The following STPG2 variants were observed in gnomAD, a reference collection of about 807,000 sequenced individuals.
STPG2 encodes sperm-tail PG-rich repeat-containing protein 2.
In STPG2, 56 loss-of-function variants were observed where a neutral mutation model predicts 54.2. The observed-to-expected ratio is 1.03, with a 90% CI of 0.83 to 1.29. STPG2 has a LOEUF of 1.29. STPG2 is among the 50% of genes most tolerant of loss of function. The pLI, the probability that STPG2 is intolerant of heterozygous loss-of-function variation, is 0.00. For missense variants in STPG2, 596 were observed against 544.9 expected, an observed-to-expected ratio of 1.09 and a Z score of -0.93; for synonymous variants, 200 against 181.8, an observed-to-expected ratio of 1.10 and a Z score of -0.81.
At chr4:98,106,316 A>T (rs946930463) in intron 4 of STPG2, among the ~76,000 whole-genome samples, 4 of 152,124 alleles carry the variant, frequency 2.6e-5, no homozygotes, top group Non-Finnish European at 5.9e-5. Flanking sequence ...AAAGAAAATA[A>T]GATCTGGTAT....
chr4:97,639,905 A>T (rs931966951), intron 10 of STPG2, among the ~76,000 whole-genome samples: 1 of 152,120 alleles, frequency 6.6e-6, no homozygotes, highest in African/African-American at 2.4e-5. Context: ...ATAACTATTT[A>T]GCCTTTATTC....
At chr4:97,540,733 A>G (rs574818773) in intron 4 of STPG2, among the ~76,000 whole-genome samples, 2 of 152,292 alleles carry the variant, frequency 1.3e-5, no homozygotes, top group East Asian at 1.9e-4. Flanking sequence ...AAATTCTGGC[A>G]AACTGAATCC....
At chr4:97,917,061 T>C (rs1731907030) in intron 8 of STPG2, 1 of 152,630 alleles carries the variant, frequency 6.6e-6, no homozygotes, top group Admixed American at 6.5e-5. Context: ...ACATTTAAAG[T>C]TTCTTATGCC....
chr4:97,982,028 G>T (rs957379707), intron 5 of STPG2, among the ~76,000 whole-genome samples: 2 of 151,602 alleles, frequency 1.3e-5, no homozygotes, highest in African/African-American at 4.8e-5. Flanking sequence ...GGGACCACAG[G>T]CACCCGCCAC....
At chr4:98,066,574 C>G (rs28472627) in intron 5 of STPG2, among the ~76,000 whole-genome samples, 59,927 of 151,860 alleles carry the variant, frequency 0.39, 12,035 homozygotes, top group Middle Eastern at 0.46. Context: ...GGGCAACAGA[C>G]AGAGACTCCA....
At chr4:97,575,380 C>T (rs1732698656) in intron 10 of STPG2, among the ~76,000 whole-genome samples, 2 of 152,020 alleles carry the variant, frequency 1.3e-5, no homozygotes, top group Admixed American at 1.3e-4. Flanking sequence ...CAACAAAATA[C>T]TAGCAAACCA....
intron 2 of STPG2, among the ~76,000 whole-genome samples, chr4:98,130,542 G>A (rs1739957707): frequency 6.6e-6 from 1 of 151,854 alleles, no homozygotes; most frequent in African/African-American, 2.4e-5. Flanking sequence ...AATACCTATG[G>A]GATTAATTAC....
chr4:97,903,501 G>C (rs1012446670), intron 8 of STPG2, among the ~76,000 whole-genome samples: 5 of 151,330 alleles, frequency 3.3e-5, no homozygotes, highest in Admixed American at 3.3e-4. Flanking sequence ...ATAATAGACA[G>C]TGAGTACAAT....
chr4:97,603,064 T>C (rs931476578), intron 10 of STPG2, among the ~76,000 whole-genome samples: 1 of 151,646 alleles, frequency 6.6e-6, no homozygotes, highest in Admixed American at 6.6e-5. Context: ...GCAAATAATA[T>C]ATCTGATAAG....
chr4:97,945,885 C>T (rs1733195885), intron 7 of STPG2, among the ~76,000 whole-genome samples: 2 of 151,980 alleles, frequency 1.3e-5, no homozygotes, highest in South Asian at 4.2e-4. Flanking sequence ...ATGGTGAAAC[C>T]CTATCTCTAC....
At chr4:97,535,951 A>T (rs538635152) in intron 4 of STPG2, among the ~76,000 whole-genome samples, 1 of 152,134 alleles carries the variant, frequency 6.6e-6, no homozygotes, top group South Asian at 2.1e-4. Flanking sequence ...TAAGTTGAAT[A>T]GTTTATTTTG....
chr4:97,643,504 AT>A (rs1721821805), intron 10 of STPG2, among the ~76,000 whole-genome samples: 1 of 151,704 alleles, frequency 6.6e-6, no homozygotes, highest in African/African-American at 2.4e-5. Context: ...CAATAGTTTT[AT>A]TTCATTTATT....
intron 5 of STPG2, among the ~76,000 whole-genome samples, chr4:98,071,154 C>A (rs2860068): frequency 2.6e-4 from 40 of 151,778 alleles, no homozygotes; most frequent in African/African-American, 8.9e-4. Context: ...TCATGCTACC[C>A]GACTTCAAAC....
At chr4:97,495,362 TG>T (rs1295444546) in intron 4 of STPG2, among the ~76,000 whole-genome samples, 1 of 151,514 alleles carries the variant, frequency 6.6e-6, no homozygotes, top group Non-Finnish European at 1.5e-5. Flanking sequence ...GACATCAGTT[TG>T]TAATGCTCAA....
intron 10 of STPG2, chr4:97,633,436 T>A (rs1721367838): frequency 6.6e-6 from 1 of 152,156 alleles, no homozygotes; most frequent in Non-Finnish European, 1.5e-5. Context: ...CATTTGTTTA[T>A]AAATGAAACA....
chr4:97,821,750 T>C (rs763237520), intron 9 of STPG2, among the ~76,000 whole-genome samples: 13 of 152,166 alleles, frequency 8.5e-5, no homozygotes, highest in Non-Finnish European at 1.6e-4. Context: ...GCTTGAACCA[T>C]CTGGAACTAC....
chr4:98,073,940 G>T (rs1436791645), intron 5 of STPG2, among the ~76,000 whole-genome samples: 1 of 151,966 alleles, frequency 6.6e-6, no homozygotes, highest in Non-Finnish European at 1.5e-5. Context: ...CAGAATCATT[G>T]GCAAATCTCT....
chr4:97,518,592 T>G (rs566054455), intron 4 of STPG2, among the ~76,000 whole-genome samples: 1 of 152,122 alleles, frequency 6.6e-6, no homozygotes, highest in African/African-American at 2.4e-5. Flanking sequence ...GACATAAATT[T>G]TTTATGAAAA....
At chr4:97,817,490 TC>T (rs1727952570) in intron 9 of STPG2, among the ~76,000 whole-genome samples, 1 of 151,978 alleles carries the variant, frequency 6.6e-6, no homozygotes, top group African/African-American at 2.4e-5. Context: ...CTTGAACTGT[TC>T]TCTATAAATC....
Sources: allele counts gnomAD v4.1 joint callset (sites outside exome capture counted in the v4.1 genomes callset), GRCh38; gene constraint gnomAD v4.1.1; transcripts MANE v1.5; gene names NCBI Gene and HGNC (gene_info 2026-07-23, HGNC 2026-07-21).